The following COP1 variants were observed in gnomAD, a reference collection of about 807,000 sequenced individuals.
COP1 encodes COP1 E3 ubiquitin ligase, also known as E3 ubiquitin-protein ligase COP1.
Under a neutral mutation model 101.3 loss-of-function variants are expected in COP1, and 24 were observed. The observed-to-expected ratio is 0.24, with a 90% confidence interval of 0.17 to 0.33. The LOEUF (loss-of-function observed/expected upper bound fraction) is 0.33. COP1 is among the 10% of genes least tolerant of loss of function. The pLI is 1.00. For synonymous variants in COP1, 347 were observed against 341.9 expected (o/e 1.01, Z -0.17); for missense variants, 663 against 906.2 (o/e 0.73, Z 3.45).
At chr1:176,119,868 C>T (rs1686820032) in intron 8 of COP1, among the ~76,000 whole-genome samples, 1 of 152,100 alleles carries the variant, frequency 6.6e-6, no homozygotes, top group Non-Finnish European at 1.5e-5. Flanking sequence ...TTATCATTCT[C>T]ATTTCTCAAG....
intron 15 of COP1, among the ~76,000 whole-genome samples, chr1:175,996,602 T>C (rs376469424): frequency 2.9e-4 from 43 of 149,118 alleles, no homozygotes; most frequent in African/African-American, 8.1e-4. Context: ...TATACACCAA[T>C]AACAGACAAA....
At chr1:176,055,550 C>G (rs1023707971) in intron 11 of COP1, among the ~76,000 whole-genome samples, 3 of 152,198 alleles carry the variant, frequency 2.0e-5, no homozygotes, top group Admixed American at 2.0e-4. Flanking sequence ...TCATGACTTT[C>G]AATCTATATA....
intron 6 of COP1, 75 bp downstream of exon 6, chr1:176,148,931 T>C: frequency 1.0e-6 from 1 of 968,410 alleles, no homozygotes; most frequent in South Asian, 1.8e-5. Context: ...TTTTTTAGCC[T>C]GAAATGCTTT....
intron 1 of COP1, among the ~76,000 whole-genome samples, chr1:176,202,502 G>C (rs143112989): frequency 1.3e-5 from 2 of 151,842 alleles, no homozygotes; most frequent in East Asian, 3.9e-4. Flanking sequence ...CTTTTTAATA[G>C]TCTGAAAAAC....
intron 11 of COP1, among the ~76,000 whole-genome samples, chr1:176,051,262 C>T (rs1347530194): frequency 1.3e-5 from 2 of 152,124 alleles, no homozygotes; most frequent in East Asian, 3.9e-4. Flanking sequence ...CTGCTGGATA[C>T]TAACATAGCT....
chr1:176,176,902 A>G (rs953874955), intron 2 of COP1, among the ~76,000 whole-genome samples: 2 of 152,238 alleles, frequency 1.3e-5, no homozygotes, highest in African/African-American at 4.8e-5. Context: ...AGAAAATGTT[A>G]ACCAGCACAA....
chr1:176,071,230 C>A (rs1035381133), intron 11 of COP1, among the ~76,000 whole-genome samples: 1 of 152,094 alleles, frequency 6.6e-6, no homozygotes, highest in Admixed American at 6.6e-5. Context: ...CCCCCTCACT[C>A]TCTCTCACTT....
In COP1 at chr1:176,206,751, A is replaced by G. The variant is rs1216666338; in HGVS notation, c.228T>C (p.Gly76=). The G allele has an allele frequency of 2.0e-6, 3 of 1,531,590 alleles. No individual in the cohort carries two copies. The highest frequency in any genetic ancestry group is 8.7e-7 in the Non-Finnish European group (1 of 1,147,078). The allele number at this position is 1,531,590 out of a possible 1,614,324, so 94.9% of individuals were successfully genotyped here. ...CCGTGGACACCGCCCCGCCGCCGCT[A>G]CCCGATACGGCGGGCGCCACCAACA... The part of the protein sequence containing the change: ...RPVLVAPAVS[G]SGGGAVSTGL... The change falls in exon 1 of 20, where the codon GGT becomes GGC. Residue 76 remains glycine (G), a synonymous_variant. Coordinates refer to ENST00000367669, the MANE Select transcript of COP1 (RefSeq NM_022457.7).
intron 8 of COP1, 25 bp downstream of exon 8, chr1:176,134,985 T>C (rs745529919): frequency 1.3e-6 from 2 of 1,555,924 alleles, no homozygotes; most frequent in South Asian, 2.2e-5. Context: ...TGAATTCTAA[T>C]CAATTGCAAG....
intron 5 of COP1, among the ~76,000 whole-genome samples, chr1:176,160,749 C>T (rs1013294345): frequency 6.6e-6 from 1 of 152,022 alleles, no homozygotes; most frequent in East Asian, 1.9e-4. Flanking sequence ...GTCTGAATGG[C>T]AATTATTAAA....
rs141817315 is a variant in COP1, at chr1:175,958,905, T to C, written c.2134-11666A>G. On this transcript the variant is annotated intron_variant, in intron 18 of 19. Coordinates refer to ENST00000367669, the MANE Select transcript of COP1 (RefSeq NM_022457.7). Reference sequence around the variant, plus strand: ...GCCAATATTCAAGAAAGAAATAATTTCGTATTACACAAATTTTTCCACATC... The same window carrying C: ...GCCAATATTCAAGAAAGAAATAATTCCGTATTACACAAATTTTTCCACATC... Among the ~76,000 whole-genome samples the C allele has an allele frequency of 2.6e-3, 400 of 152,136 alleles. 3 individuals are homozygous for C. Among genetic ancestry groups the C allele is most frequent in the African/African-American group, 9.2e-3 (382 of 41,570 alleles).
At chr1:176,161,563 A>T (rs562477269) in intron 5 of COP1, among the ~76,000 whole-genome samples, 1 of 152,212 alleles carries the variant, frequency 6.6e-6, no homozygotes, top group East Asian at 1.9e-4. Context: ...GTACCACTGC[A>T]CTCCAGACTG....
chr1:176,182,995 T>C (rs1020368923), intron 2 of COP1, among the ~76,000 whole-genome samples: 5 of 152,236 alleles, frequency 3.3e-5, no homozygotes, highest in African/African-American at 1.2e-4. Flanking sequence ...ATTTGTATTT[T>C]ATATTACATC....
intron 1 of COP1, among the ~76,000 whole-genome samples, chr1:176,197,072 G>GA (rs1699783483): frequency 6.6e-6 from 1 of 152,076 alleles, no homozygotes; most frequent in Non-Finnish European, 1.5e-5. Context: ...ATTTGCATTT[G>GA]AAAATAAAGC....
intron 11 of COP1, among the ~76,000 whole-genome samples, chr1:176,060,441 G>A (rs1038030516): frequency 3.3e-5 from 5 of 152,074 alleles, no homozygotes; most frequent in African/African-American, 1.2e-4. Flanking sequence ...AAGTTACTAC[G>A]ACATTTTGTC....
chr1:176,050,041 A>T (rs1258328310), intron 11 of COP1, among the ~76,000 whole-genome samples: 1 of 152,216 alleles, frequency 6.6e-6, no homozygotes, highest in African/African-American at 2.4e-5. Context: ...AAAACAAGAG[A>T]TTTATAAAAA....
intron 9 of COP1, among the ~76,000 whole-genome samples, chr1:176,089,317 C>CAACAA (rs1680856897): frequency 6.6e-6 from 1 of 151,784 alleles, no homozygotes; most frequent in South Asian, 2.1e-4. Context: ...ACAACAACAA[C>CAACAA]AACAACAACA....
At chr1:175,982,587 T>G (rs1051565636) in intron 18 of COP1, among the ~76,000 whole-genome samples, 9 of 152,210 alleles carry the variant, frequency 5.9e-5, no homozygotes, top group Non-Finnish European at 1.3e-4. Flanking sequence ...TGGTAAGATT[T>G]TCAGTCAACA....
At chr1:176,125,987 TAAG>T (rs1687920395) in intron 8 of COP1, among the ~76,000 whole-genome samples, 1 of 152,326 alleles carries the variant, frequency 6.6e-6, no homozygotes, top group Non-Finnish European at 1.5e-5. Context: ...GCTTTATAAA[TAAG>T]AATATATTTT....
Sources: gnomAD v4.1 joint callset for allele counts (sites outside exome capture counted in the v4.1 genomes callset) on GRCh38, gnomAD v4.1.1 for gene constraint, MANE v1.5 for transcripts, NCBI Gene and HGNC (gene_info 2026-07-23, HGNC 2026-07-21) for gene names.